The following RNF149 variants were observed in gnomAD, a reference collection of about 807,000 sequenced individuals.
RNF149 encodes the protein ring finger protein 149.
Under a neutral mutation model 39.0 loss-of-function variants are expected in RNF149, and 21 were observed. The observed-to-expected ratio is 0.54, with a 90% CI of 0.38 to 0.77. The LOEUF is 0.77. Ranked by LOEUF, RNF149 falls within the 30% of genes least tolerant of loss-of-function variation. The probability of loss-of-function intolerance (pLI) is 0.00; values close to 1 mark genes in which losing one functional copy is unlikely to be tolerated. For synonymous variants in RNF149, 209 were observed against 213.6 expected, an observed-to-expected ratio of 0.98 and a Z score of 0.19; for missense variants, 493 against 534.9, an observed-to-expected ratio of 0.92 and a Z score of 0.77.
At chr2:101,291,739 C>T (rs1020637102) in intron 3 of RNF149, among the ~76,000 whole-genome samples, 1 of 152,060 alleles carries the variant, frequency 6.6e-6, no homozygotes, top group African/African-American at 2.4e-5. Context: ...TAATGGTTTG[C>T]AAGTTTATAC....
At chr2:101,286,312 T>C in intron 4 of RNF149, 135 bp from the exon 5 acceptor site, 1 of 542,964 alleles carries the variant, frequency 1.8e-6, no homozygotes. Flanking sequence ...GTCTACTTAC[T>C]TATCATGTCA....
At chr2:101,306,155 A>T (rs770925780) in intron 1 of RNF149, among the ~76,000 whole-genome samples, 3 of 152,224 alleles carry the variant, frequency 2.0e-5, no homozygotes, top group Non-Finnish European at 4.4e-5. Context: ...AACAAGTGCT[A>T]TTAGCCCAAA....
intron 6 of RNF149, 102 bp from the exon 7 acceptor site, chr2:101,277,383 T>C: frequency 2.8e-6 from 4 of 1,435,682 alleles, no homozygotes; most frequent in Non-Finnish European, 3.7e-6. Flanking sequence ...TTCAAGATGG[T>C]AAACAGAAAA....
intron 1 of RNF149, among the ~76,000 whole-genome samples, chr2:101,304,440 G>GC (rs1416941880): frequency 6.6e-6 from 1 of 152,046 alleles, no homozygotes. Context: ...TTTTCTTTAT[G>GC]CTTCCTAAGC....
intron 1 of RNF149, among the ~76,000 whole-genome samples, chr2:101,303,689 TAATTTTATTC>T: frequency 6.6e-6 from 1 of 152,238 alleles, no homozygotes; most frequent in South Asian, 2.1e-4. Context: ...ATTTCTTTTT[TAATTTTATTC>T]TTATACCTCT....
At chr2:101,294,203 T>G in intron 2 of RNF149, 121 bp from the exon 3 acceptor site, 1 of 615,424 alleles carries the variant, frequency 1.6e-6, no homozygotes, top group East Asian at 3.0e-5. Flanking sequence ...AAAGGCAAAG[T>G]CAAATGACTA....
In RNF149 at chr2:101,275,773, A is replaced by T. The variant is rs1049405723; in HGVS notation, c.*1465T>A. On this transcript the variant is annotated 3_prime_UTR_variant, in exon 7 of 7. Coordinates refer to ENST00000295317, the MANE Select transcript of RNF149 (RefSeq NM_173647.4). ...TATTTCTTAAAGACAAAGAGCAAACAATCTACTTGCTACAGAATCAGGATG... is the reference window on the plus strand; with the variant it reads ...TATTTCTTAAAGACAAAGAGCAAACTATCTACTTGCTACAGAATCAGGATG... 2.0e-5 allele frequency: 20 copies of T among 981,480 alleles called. No individual in the cohort carries two copies. The highest frequency in any genetic ancestry group is 2.4e-5 in the Non-Finnish European group (20 of 826,500). 60.8% of individuals were successfully genotyped at this position (981,480 alleles called of 1,614,324 possible).
chr2:101,304,213 A>G (rs772935278), intron 1 of RNF149, among the ~76,000 whole-genome samples: 6 of 152,186 alleles, frequency 3.9e-5, no homozygotes, highest in African/African-American at 9.7e-5. Flanking sequence ...CCTGACCAAC[A>G]TGGCAAAACC....
At position 101,295,189 on chromosome 2, in the gene RNF149, A is replaced by G. The variant is rs72822998; in HGVS notation, c.461-8T>C. The G allele has an allele frequency of 0.019, 31,261 of 1,607,156 alleles. 382 individuals carry two copies. The highest frequency in any genetic ancestry group is 0.047 in the Middle Eastern group (284 of 6,032). ...CCACTATATTTCCTGTTCCTGTAGG[A>G]AAGAACAAAGAAATCAATGTGAAGA... On this transcript the variant is annotated splice_polypyrimidine_tract_variant and splice_region_variant and intron_variant, in intron 1 of 6. Transcript: ENST00000295317.
rs548113327 is a variant in RNF149, at chr2:101,281,706, GC to G, written c.1159+152del. On this transcript the variant is annotated intron_variant, in intron 6 of 6. Transcript: ENST00000295317. ...TGTAGAGATGGGGTCTCACTATGCT[GC>G]CCAGGCTGTTCTCAAATTTCTGGTT... 4.8e-4 allele frequency: 403 copies of G among 845,378 alleles called. 3 individuals are homozygous for G. In the African/African-American group the frequency reaches 6.3e-3, roughly 13 times the overall value. 52.4% of individuals were successfully genotyped at this position (845,378 alleles called of 1,614,324 possible). A position where few individuals can be genotyped will look rare whatever the true frequency, so the allele number is the denominator to read the frequency against.
At chr2:101,301,989 T>A (rs1300363898) in intron 1 of RNF149, among the ~76,000 whole-genome samples, 1 of 152,200 alleles carries the variant, frequency 6.6e-6, no homozygotes, top group Non-Finnish European at 1.5e-5. Context: ...ACTATAAACT[T>A]CCAGGTTTTC....
chr2:101,273,965 G>A (rs6713930), downstream of RNF149, among the ~76,000 whole-genome samples: 37,819 of 151,698 alleles, frequency 0.25, 4,787 homozygotes, highest in Middle Eastern at 0.35. Flanking sequence ...TTTAAATTAA[G>A]GAACACTATG....
chr2:101,277,332 G>A (rs1427194081), intron 6 of RNF149, 51 bp from the exon 7 acceptor site: 6 of 1,565,492 alleles, frequency 3.8e-6, no homozygotes, highest in Middle Eastern at 1.7e-4. Flanking sequence ...AGCATATTCC[G>A]AGCTTCAACT....
chr2:101,280,620 T>G (rs560131667), intron 6 of RNF149, among the ~76,000 whole-genome samples: 1 of 151,768 alleles, frequency 6.6e-6, no homozygotes, highest in African/African-American at 2.4e-5. Flanking sequence ...GAAAGTACAA[T>G]GAAAAGCCAA....
At chr2:101,304,501 T>G (rs931148754) in intron 1 of RNF149, among the ~76,000 whole-genome samples, 2 of 152,134 alleles carry the variant, frequency 1.3e-5, no homozygotes, top group African/African-American at 4.8e-5. Context: ...GTCTGGAAAG[T>G]TCTGTGTATC....
At chr2:101,305,961 G>A (rs371209251) in intron 1 of RNF149, among the ~76,000 whole-genome samples, 49 of 152,294 alleles carry the variant, frequency 3.2e-4, no homozygotes, top group African/African-American at 1.2e-3. Flanking sequence ...TCTTTAAATT[G>A]TTTCGTTGGT....
chr2:101,285,496 G>C (rs1278213842), intron 5 of RNF149, among the ~76,000 whole-genome samples: 1 of 152,132 alleles, frequency 6.6e-6, no homozygotes, highest in Non-Finnish European at 1.5e-5. Context: ...GTGAGGATTA[G>C]ACATAACAAG....
intron 1 of RNF149, among the ~76,000 whole-genome samples, chr2:101,305,461 GCT>G (rs1339149429): frequency 2.0e-5 from 3 of 152,074 alleles, no homozygotes; most frequent in Admixed American, 6.5e-5. Context: ...TCCAGCTTTT[GCT>G]CTGTTTAATC....
downstream of RNF149, among the ~76,000 whole-genome samples, chr2:101,275,413 G>A (rs57202124): frequency 4.4e-3 from 606 of 137,830 alleles, 3 homozygotes; most frequent in African/African-American, 0.014. Context: ...CACCGCGCCC[G>A]GCCCTCCCCT....
Sources: gnomAD v4.1 joint callset for allele counts (sites outside exome capture counted in the v4.1 genomes callset) on GRCh38, gnomAD v4.1.1 for gene constraint, MANE v1.5 for transcripts, NCBI Gene and HGNC (gene_info 2026-07-23, HGNC 2026-07-21) for gene names.